The following PTPRN2 variants were observed in gnomAD, a reference collection of about 807,000 sequenced individuals.
PTPRN2 encodes receptor-type tyrosine-protein phosphatase N2.
PTPRN2 carries 74 observed loss-of-function variants against 118.8 expected under a neutral mutation model. The observed-to-expected ratio is 0.62, with a 90% CI of 0.52 to 0.76. PTPRN2 has a LOEUF of 0.76. Ranked by LOEUF, PTPRN2 falls within the 30% of genes least tolerant of loss-of-function variation. The pLI is 0.00. For missense variants in PTPRN2, 1,481 were observed against 1,394.4 expected, an observed-to-expected ratio of 1.06 and a Z score of -0.99; for synonymous variants, 641 against 608.0, an observed-to-expected ratio of 1.05 and a Z score of -0.80.
intron 12 of PTPRN2, among the ~76,000 whole-genome samples, chr7:157,694,007 C>T (rs979998855): frequency 6.6e-6 from 1 of 152,242 alleles, no homozygotes; most frequent in African/African-American, 2.4e-5. Flanking sequence ...GCCACGGGGC[C>T]GGCGACCCCA....
At chr7:158,414,158 T>TG (rs1814440412) in intron 2 of PTPRN2, among the ~76,000 whole-genome samples, 1 of 148,930 alleles carries the variant, frequency 6.7e-6, no homozygotes. Context: ...CTCTACCAAG[T>TG]GAGTACCGTG....
At chr7:157,664,863 A>G (rs550076712) in intron 13 of PTPRN2, among the ~76,000 whole-genome samples, 179 of 152,398 alleles carry the variant, frequency 1.2e-3, no homozygotes, top group African/African-American at 4.2e-3. Context: ...TCTGAGAGAA[A>G]GCTGGAGGCC....
intron 2 of PTPRN2, among the ~76,000 whole-genome samples, chr7:158,363,080 A>G (rs1809129166): frequency 6.6e-6 from 1 of 152,206 alleles, no homozygotes; most frequent in African/African-American, 2.4e-5. Context: ...CGAGGGGGAC[A>G]GGACCCGTGG....
chr7:157,934,860 T>C (rs770535285), intron 11 of PTPRN2, among the ~76,000 whole-genome samples: 1 of 152,228 alleles, frequency 6.6e-6, no homozygotes, highest in Non-Finnish European at 1.5e-5. Flanking sequence ...GCAGATTCTC[T>C]CGGGATGGGC....
intron 1 of PTPRN2, among the ~76,000 whole-genome samples, chr7:158,504,000 G>A (rs1406819655): frequency 2.0e-5 from 3 of 149,000 alleles, no homozygotes; most frequent in Non-Finnish European, 3.0e-5. Context: ...AAAAAAAAAT[G>A]GAAAAAAAAT....
rs774634486 is a variant in PTPRN2, at chr7:158,326,899, TCA to T, written c.164-9969_164-9968del. Among the ~76,000 whole-genome samples, 12 of 146,366 alleles carry T rather than the reference TCA, an allele frequency of 8.2e-5. 1 individual carries two copies. The highest frequency in any genetic ancestry group is 4.4e-4 in the South Asian group (2 of 4,522). ...CACGTTCTCACACATGCACACATTC[TCA>T]CACATGCACATGCTCACACGTTCTC... On this transcript the variant is annotated intron_variant, in intron 2 of 22. Transcript: ENST00000389418.
Position 157,610,471 on chromosome 7 carries a change from C to T in PTPRN2, c.2345-6396G>A, listed in dbSNP as rs144056895. Reference sequence around the variant, plus strand: ...CCTGACTCCAGCAGAGAACATGTTCCGGGATGTGCTCCACAGTTGGCACCA... The same window carrying T: ...CCTGACTCCAGCAGAGAACATGTTCTGGGATGTGCTCCACAGTTGGCACCA... On this transcript the variant is annotated intron_variant, in intron 15 of 22. Coordinates refer to ENST00000389418, the MANE Select transcript of PTPRN2 (RefSeq NM_002847.5). This position sits in a 1 kb window ranked among gnomAD's most constrained non-coding sequence, Gnocchi z 5.1. Among the ~76,000 whole-genome samples, 136 of 152,288 alleles carry T rather than the reference C, an allele frequency of 8.9e-4. 1 individual carries two copies. The highest frequency in any genetic ancestry group is 1.4e-3 in the Non-Finnish European group (92 of 68,032).
intron 2 of PTPRN2, among the ~76,000 whole-genome samples, chr7:158,333,561 C>T (rs1416862041): frequency 6.6e-6 from 1 of 151,428 alleles, no homozygotes; most frequent in African/African-American, 2.5e-5. Flanking sequence ...CCCACACTCT[C>T]ACCATAAGAG....
chr7:157,559,984 G>C (rs1034295130), intron 21 of PTPRN2, among the ~76,000 whole-genome samples: 7 of 152,188 alleles, frequency 4.6e-5, no homozygotes, highest in African/African-American at 1.4e-4. Context: ...GGAGGGCCTG[G>C]ATGGGCCTGG....
chr7:158,140,529 G>C (rs1819273937), intron 6 of PTPRN2, among the ~76,000 whole-genome samples: 1 of 152,202 alleles, frequency 6.6e-6, no homozygotes, highest in Non-Finnish European at 1.5e-5. Flanking sequence ...AGGAACCACA[G>C]AGACGAGAAG....
chr7:158,441,645 AATGGTG>A (rs1300762217), intron 2 of PTPRN2, among the ~76,000 whole-genome samples: 107 of 120,094 alleles, frequency 8.9e-4, no homozygotes, highest in Middle Eastern at 8.1e-3. Flanking sequence ...TGGTGATGGC[AATGGTG>A]GTGATGGTGA....
At chr7:158,395,583 G>A (rs1296525924) in intron 2 of PTPRN2, among the ~76,000 whole-genome samples, 1 of 95,036 alleles carries the variant, frequency 1.1e-5, no homozygotes, top group Non-Finnish European at 2.0e-5. Flanking sequence ...GGCGCGAGGG[G>A]CCAGGGGTGA....
chr7:157,893,519 C>T lies in PTPRN2; in HGVS notation c.1788+5154G>A, dbSNP rs1187668934. On this transcript the variant is annotated intron_variant, in intron 12 of 22. Transcript: ENST00000389418. The surrounding 1 kb of genome is among the most constrained non-coding windows in gnomAD (Gnocchi z 4.0). ...CAATTCAGATTTCCATGCATTGAAT[C>T]AATCTACTTCCTAGACAGAGCTTCA... Among the ~76,000 whole-genome samples, 1 of 152,226 alleles carries T rather than the reference C, an allele frequency of 6.6e-6. No individual in the cohort carries two copies. The highest frequency in any genetic ancestry group is 2.4e-5 in the African/African-American group (1 of 41,464).
intron 14 of PTPRN2, among the ~76,000 whole-genome samples, chr7:157,642,833 AAAAAAAAAAAAG>A (rs1207538063): frequency 7.5e-5 from 11 of 146,636 alleles, no homozygotes; most frequent in Non-Finnish European, 1.7e-4. Context: ...AAAAAAAAAA[AAAAAAAAAAAAG>A]CAGCTAAAAC....
At chr7:157,994,414 G>A (rs563356900) in intron 11 of PTPRN2, among the ~76,000 whole-genome samples, 8 of 152,232 alleles carry the variant, frequency 5.3e-5, no homozygotes, top group Non-Finnish European at 1.0e-4. Flanking sequence ...GGAGCGAGAG[G>A]AAGATGCCTG....
In PTPRN2 at chr7:157,940,231, C is replaced by T. The variant is rs113982326; in HGVS notation, c.1724-41494G>A. On this transcript the variant is annotated intron_variant, in intron 11 of 22. Coordinates refer to ENST00000389418, the MANE Select transcript of PTPRN2 (RefSeq NM_002847.5). ...ACTTGGTTATAACTCAGCCCCGGCT[C>T]CTTTCTGAAGCCTCAGTGCAGATTC... Among the ~76,000 whole-genome samples the T allele has an allele frequency of 3.9e-3, 590 of 152,264 alleles. 2 individuals are homozygous for T. Among genetic ancestry groups the T allele is most frequent in the African/African-American group, 0.013 (556 of 41,542 alleles).
chr7:158,102,899 G>A (rs1196235559), intron 10 of PTPRN2, among the ~76,000 whole-genome samples: 1 of 152,136 alleles, frequency 6.6e-6, no homozygotes, highest in Admixed American at 6.5e-5. Context: ...GCAGACCCGG[G>A]AGGACACACC....
intron 12 of PTPRN2, among the ~76,000 whole-genome samples, chr7:157,752,353 G>A (rs1025035099): frequency 4.7e-4 from 72 of 152,328 alleles, no homozygotes; most frequent in African/African-American, 1.6e-3. Context: ...CCCATCCTCT[G>A]AGAGCCCCAG....
rs572931066 is a variant in PTPRN2, at chr7:157,937,102, G to A, written c.1724-38365C>T. Among the ~76,000 whole-genome samples, 11 of 152,308 alleles carry A rather than the reference G, an allele frequency of 7.2e-5. No homozygotes were observed. In the East Asian group the frequency reaches 1.7e-3, roughly 24 times the overall value. ...TGGCCTGGGCCACCTTCTCTGGGAA[G>A]CCCTCCGGACCCCTGAACACCGTGG... On this transcript the variant is annotated intron_variant, in intron 11 of 22. Coordinates refer to ENST00000389418, the MANE Select transcript of PTPRN2 (RefSeq NM_002847.5).
Sources: gnomAD v4.1 joint callset for allele counts (sites outside exome capture counted in the v4.1 genomes callset) on GRCh38, gnomAD v4.1.1 for gene constraint, Gnocchi (gnomAD v3.1) non-coding constraint, MANE v1.5 for transcripts, NCBI Gene and HGNC (gene_info 2026-07-23, HGNC 2026-07-21) for gene names.